The following POU2F1 variants were observed in gnomAD, a reference collection of about 807,000 sequenced individuals.
POU2F1 encodes POU domain, class 2, transcription factor 1.
A neutral mutation model predicts 84.9 loss-of-function variants in POU2F1; 16 were observed. The ratio of observed to expected loss-of-function variants is 0.19; its 90% CI spans 0.13 to 0.29. The LOEUF is 0.29. Ranked by LOEUF, POU2F1 falls within the 10% of genes least tolerant of loss-of-function variation. POU2F1 has a pLI of 1.00. For missense variants in POU2F1, 738 were observed against 942.6 expected (o/e 0.78, Z 2.84); for synonymous variants, 368 against 368.3 (o/e 1.00, Z 0.01).
chr1:167,284,384 C>G (rs948704515), intron 1 of POU2F1, among the ~76,000 whole-genome samples: 1 of 152,176 alleles, frequency 6.6e-6, no homozygotes, highest in Non-Finnish European at 1.5e-5. Context: ...GCATCTCCTA[C>G]TGTCCTGGTT....
intron 2 of POU2F1, 70 bp from the exon 3 acceptor site, chr1:167,365,397 G>A: frequency 1.7e-6 from 2 of 1,184,382 alleles, no homozygotes; most frequent in African/African-American, 1.6e-5. Flanking sequence ...ATGAATGTTG[G>A]TAACTGAAAT....
At chr1:167,374,689 T>C (rs1660213326) in intron 6 of POU2F1, among the ~76,000 whole-genome samples, 1 of 152,248 alleles carries the variant, frequency 6.6e-6, no homozygotes, top group African/African-American at 2.4e-5. Flanking sequence ...ATCTCTGCTA[T>C]GGAGTGATTA....
At chr1:167,400,215 T>A (rs1414676317) in intron 12 of POU2F1, among the ~76,000 whole-genome samples, 1 of 145,460 alleles carries the variant, frequency 6.9e-6, no homozygotes, top group African/African-American at 2.9e-5. Flanking sequence ...CTTGAACTCC[T>A]GACCTCAGGT....
Position 167,408,887 on chromosome 1 carries a change from A to G in POU2F1, c.1556-3072A>G, listed in dbSNP as rs377095509. On this transcript the variant is annotated intron_variant, in intron 13 of 15. Transcript: ENST00000367866. ...TCTACTAACATTTGTCCATTTAAAAATCTAAGTTGTTTATATTCTTACTAT... is the reference window on the plus strand; with the variant it reads ...TCTACTAACATTTGTCCATTTAAAAGTCTAAGTTGTTTATATTCTTACTAT... Among the ~76,000 whole-genome samples, 10 of 152,366 alleles carry G rather than the reference A, an allele frequency of 6.6e-5. 1 individual carries two copies. The highest frequency in any genetic ancestry group is 5.8e-4 in the East Asian group (3 of 5,190).
chr1:167,332,687 TTA>T (rs1209964489), intron 2 of POU2F1, 152 bp downstream of exon 2: 1 of 581,118 alleles, frequency 1.7e-6, no homozygotes, highest in Non-Finnish European at 3.0e-6. Flanking sequence ...CTGGGAGGGA[TTA>T]TGTTTGTTTA....
At chr1:167,314,754 A>G (rs1032938063) in intron 1 of POU2F1, among the ~76,000 whole-genome samples, 3 of 152,176 alleles carry the variant, frequency 2.0e-5, no homozygotes, top group African/African-American at 7.2e-5. Context: ...AGCCTGGGTG[A>G]CAAAAGTGAG....
chr1:167,425,493 C>G lies in POU2F1; in HGVS notation c.*9683C>G, dbSNP rs1000805375. The G allele has an allele frequency of 6.6e-6, 1 of 152,308 alleles. No individual in the cohort carries two copies. The highest frequency in any genetic ancestry group is 6.5e-5 in the Admixed American group (1 of 15,286). 9.4% of individuals were successfully genotyped at this position (152,308 alleles called of 1,614,324 possible). A position where few individuals can be genotyped will look rare whatever the true frequency, so the allele number is the denominator to read the frequency against. ...TGCATGCCCCTAGCTTTGGCCCTCA[C>G]AAACTTGTGAGCATGCCCTGAAACA... On this transcript the variant is annotated 3_prime_UTR_variant, in exon 16 of 16. Transcript: ENST00000367866.
chr1:167,399,350 C>A lies in POU2F1; in HGVS notation c.1434C>A (p.Pro478=). ...TSSSPIKAIF[P]SPTSLVATTP... ...GCTCACCTATTAAAGCAATTTTCCC[C>A]AGCCCAACTTCACTGGTAAGAATAA... Residue 478 remains proline (P), a synonymous_variant, in exon 12 of 16, where the codon CCC becomes CCA. Transcript: ENST00000367866. The A allele has an allele frequency of 6.2e-7, 1 of 1,612,552 alleles. No homozygotes were observed. Among genetic ancestry groups the A allele is most frequent in the Non-Finnish European group, 8.5e-7 (1 of 1,179,280 alleles).
chr1:167,272,103 C>T (rs770194413), intron 1 of POU2F1, among the ~76,000 whole-genome samples: 6 of 152,238 alleles, frequency 3.9e-5, no homozygotes, highest in African/African-American at 9.6e-5. Context: ...ACTTTTTACA[C>T]GACAGGTTTG....
At chr1:167,288,060 A>G (rs1442250050) in intron 1 of POU2F1, among the ~76,000 whole-genome samples, 1 of 152,200 alleles carries the variant, frequency 6.6e-6, no homozygotes. Context: ...GACTTTTTGG[A>G]CAAATAAAAA....
chr1:167,222,592 T>C (rs1284397426), intron 1 of POU2F1, among the ~76,000 whole-genome samples: 1 of 152,070 alleles, frequency 6.6e-6, no homozygotes, highest in Non-Finnish European at 1.5e-5. Flanking sequence ...CTAGGCCTCA[T>C]GTTCTCTGCT....
At chr1:167,278,368 G>C (rs1418782834) in intron 1 of POU2F1, among the ~76,000 whole-genome samples, 1 of 152,176 alleles carries the variant, frequency 6.6e-6, no homozygotes, top group Non-Finnish European at 1.5e-5. Flanking sequence ...ACTCCCAAGA[G>C]GGATGGGACC....
chr1:167,402,127 G>GT (rs199656916), intron 13 of POU2F1, among the ~76,000 whole-genome samples: 354 of 151,130 alleles, frequency 2.3e-3, no homozygotes, highest in Non-Finnish European at 3.9e-3. Flanking sequence ...TAAAATGAAT[G>GT]TTTTTTTTTC....
At chr1:167,259,870 T>C (rs1651421853) in intron 1 of POU2F1, among the ~76,000 whole-genome samples, 1 of 152,134 alleles carries the variant, frequency 6.6e-6, no homozygotes, top group South Asian at 2.1e-4. Context: ...ATATGCTTAT[T>C]GATCATTGCG....
At chr1:167,329,531 T>C (rs772679452) in intron 1 of POU2F1, among the ~76,000 whole-genome samples, 8 of 152,174 alleles carry the variant, frequency 5.3e-5, no homozygotes, top group Non-Finnish European at 8.8e-5. Context: ...GTATCGTTAG[T>C]AAATACAGTT....
chr1:167,249,094 C>T (rs1020811150), intron 1 of POU2F1, among the ~76,000 whole-genome samples: 6 of 152,152 alleles, frequency 3.9e-5, no homozygotes, highest in African/African-American at 7.2e-5. Flanking sequence ...TACTGAAACA[C>T]ATATATTATT....
At chr1:167,373,654 T>C (rs761178414) in intron 5 of POU2F1, among the ~76,000 whole-genome samples, 1 of 152,170 alleles carries the variant, frequency 6.6e-6, no homozygotes, top group Non-Finnish European at 1.5e-5. Context: ...TCTTTGGACT[T>C]AATGGAAATG....
intron 2 of POU2F1, among the ~76,000 whole-genome samples, chr1:167,338,941 T>C (rs113161318): frequency 3.3e-5 from 5 of 152,304 alleles, no homozygotes; most frequent in African/African-American, 1.2e-4. Flanking sequence ...AGGAGTAGAA[T>C]TGCTGGGTAA....
rs1650759959 is a variant in POU2F1 at position 167,423,399 on chromosome 1, A to ATT, written c.*7590_*7591dup. 1 of 152,254 alleles carries ATT rather than the reference A, an allele frequency of 6.6e-6. No homozygotes were observed. Among genetic ancestry groups the ATT allele is most frequent in the South Asian group, 2.1e-4 (1 of 4,834 alleles). The allele number at this position is 152,254 out of a possible 1,614,324, so 9.4% of individuals were successfully genotyped here. The stretch of plus-strand genomic sequence containing the variant: ...TTACTAATAATCTTATTGTTCTGAC[A>ATT]TTATGTAAAGGTGGTATTAATATTG... On this transcript the variant is annotated 3_prime_UTR_variant, in exon 16 of 16. Transcript: ENST00000367866.
Sources: gnomAD v4.1 joint callset for allele counts (sites outside exome capture counted in the v4.1 genomes callset) on GRCh38, gnomAD v4.1.1 for gene constraint, MANE v1.5 for transcripts, NCBI Gene and HGNC (gene_info 2026-07-23, HGNC 2026-07-21) for gene names.